The following PML variants were observed in gnomAD, a reference collection of about 807,000 sequenced individuals.
PML encodes the protein PML nuclear body scaffold.
In PML, 28 loss-of-function variants were observed where a neutral mutation model predicts 65.2. The ratio of observed to expected loss-of-function variants is 0.43; its 90% CI spans 0.32 to 0.59. The LOEUF is 0.59. PML is among the 20% of genes least tolerant of loss of function. The pLI is 0.08. For synonymous variants in PML, 500 were observed against 508.8 expected (o/e 0.98, Z 0.23); for missense variants, 1,021 against 1,203.4 (o/e 0.85, Z 2.24).
intron 7 of PML, chr15:74,034,869 A>G (rs997998943): frequency 2.2e-5 from 31 of 1,437,210 alleles, no homozygotes; most frequent in Non-Finnish European, 2.6e-5. Context: ...GCTGGACAAG[A>G]ATCCATTCCT....
chr15:74,014,188 C>T (rs1303829733), intron 2 of PML, among the ~76,000 whole-genome samples: 1 of 152,136 alleles, frequency 6.6e-6, no homozygotes, highest in Admixed American at 6.5e-5. Context: ...CTTAGGACAT[C>T]GTGCTCAAGG....
chr15:74,012,376 A>G (rs1448477359), intron 2 of PML, among the ~76,000 whole-genome samples: 3 of 152,334 alleles, frequency 2.0e-5, no homozygotes, highest in African/African-American at 7.2e-5. Flanking sequence ...GGGTTTCACC[A>G]TCTTGGCCAG....
At position 74,023,235 on chromosome 15, in the gene PML, A is replaced by C; in HGVS notation, c.1010A>C (p.Lys337Thr). The change falls in exon 3 of 9, where the codon AAG (lysine) becomes ACG (threonine). Residue 337 changes from lysine (K) to threonine (T), a missense_variant. By Grantham distance (78) the Lys-to-Thr change is moderately conservative (BLOSUM62 -1). Transcript: ENST00000268058. ...GGCAGCGCGCTGGTGCAGAGGATGAAGTGCTACGCCTCGGACCAGGAGGTG... is the reference window on the plus strand; with the variant it reads ...GGCAGCGCGCTGGTGCAGAGGATGACGTGCTACGCCTCGGACCAGGAGGTG... ...RTGSALVQRM[K>T]CYASDQEVLD... 5 of 1,610,918 alleles carry C rather than the reference A, an allele frequency of 3.1e-6. No individual in the cohort carries two copies. The highest frequency in any genetic ancestry group is 4.2e-6 in the Non-Finnish European group (5 of 1,179,372).
intron 2 of PML, among the ~76,000 whole-genome samples, chr15:74,016,790 A>ATTTTTTTTTTTTTTT (rs1419052993): frequency 1.2e-4 from 8 of 64,464 alleles, no homozygotes; most frequent in African/African-American, 3.0e-4. Flanking sequence ...AGGCAGTGGC[A>ATTTTTTTTTTTTTTT]TCTTTTTTTT....
rs1166785056 is a variant in PML, at chr15:74,035,809, C to T, written c.1710+1279C>T. 7 of 1,613,892 alleles carry T rather than the reference C, an allele frequency of 4.3e-6. No homozygotes were observed. The highest frequency in any genetic ancestry group is 1.6e-4 in the Middle Eastern group (1 of 6,080). On this transcript the variant is annotated intron_variant, in intron 7 of 8. Transcript: ENST00000268058. This position sits in a 1 kb window ranked among gnomAD's most constrained non-coding sequence, Gnocchi z 4.1. Reference sequence around the variant, plus strand: ...CAGACTCTTGGAGCAGGTGTTCCCCCTGGGGACTCTGTCAGAGGCTCCATG... The same window carrying T: ...CAGACTCTTGGAGCAGGTGTTCCCCTTGGGGACTCTGTCAGAGGCTCCATG...
Position 74,044,760 on chromosome 15 carries a change from C to T in PML, c.2401C>T (p.His801Tyr), listed in dbSNP as rs2071753311. ...PRAEARLLAL[H>Y]NVSFMELLSA... ...GGCTGAGGCCCGCCTCCTGGCCCTA[C>T]ACAACGTGAGCTTCATGGAGCTGCT... Residue 801 changes from histidine (H) to tyrosine (Y), a missense_variant, in exon 9 of 9, where the codon CAC becomes TAC. Transcript: ENST00000268058. 4 of 1,612,812 alleles carry T rather than the reference C, an allele frequency of 2.5e-6. No individual in the cohort carries two copies. Among genetic ancestry groups the T allele is most frequent in the Non-Finnish European group, 3.4e-6 (4 of 1,180,026 alleles).
intron 7 of PML, among the ~76,000 whole-genome samples, chr15:74,040,342 C>T (rs762087232): frequency 2.6e-5 from 4 of 152,190 alleles, no homozygotes; most frequent in South Asian, 2.1e-4. Context: ...AGGCTCAAGG[C>T]TCTGTTTCCC....
rs888890306 is a variant in PML, at chr15:74,047,439, T to C, written c.*2431T>C. 1.7e-5 allele frequency: 4 copies of C among 228,838 alleles called. No individual in the cohort carries two copies. Among genetic ancestry groups the C allele is most frequent in the African/African-American group, 8.9e-5 (4 of 45,110 alleles). 14.2% of individuals were successfully genotyped at this position (228,838 alleles called of 1,614,324 possible). The stretch of plus-strand genomic sequence containing the variant: ...AGTCCTGGAGTTTTATTCTCTCAGC[T>C]TGATCCTTTGACCAAGAAGATCCAG... On this transcript the variant is annotated 3_prime_UTR_variant, in exon 9 of 9. Transcript: ENST00000268058.
chr15:74,044,901 A>G lies in PML; in HGVS notation c.2542A>G (p.Thr848Ala). The stretch of plus-strand genomic sequence containing the variant: ...TGCTTTCAACCTGCAGGCTCTGGGC[A>G]CCTACTTTGAAGGCCTGTTGGAGGG... ...QPAFNLQALG[T>A]YFEGLLEGPA... Residue 848 changes from threonine to alanine, a missense_variant, in exon 9 of 9, where the codon ACC (threonine) becomes GCC (alanine). Coordinates refer to ENST00000268058, the MANE Select transcript of PML (RefSeq NM_033238.3). 6.2e-7 allele frequency: 1 copy of G among 1,613,528 alleles called. No individual in the cohort carries two copies. Among genetic ancestry groups the G allele is most frequent in the Non-Finnish European group, 8.5e-7 (1 of 1,180,014 alleles).
At chr15:74,003,699 A>G (rs1248472447) in intron 2 of PML, among the ~76,000 whole-genome samples, 1 of 152,052 alleles carries the variant, frequency 6.6e-6, no homozygotes, top group Non-Finnish European at 1.5e-5. Context: ...ATTAAGCTTC[A>G]TGGTCATATT....
intron 4 of PML, chr15:74,028,378 A>G (rs1274426214): frequency 6.6e-6 from 1 of 151,668 alleles, no homozygotes; most frequent in Non-Finnish European, 1.5e-5. Flanking sequence ...AGGGTCTTTT[A>G]CATACCAGCA....
Position 74,044,508 on chromosome 15 carries a change from C to G in PML, c.2149C>G (p.Arg717Gly), listed in dbSNP as rs367988522. 1.2e-6 allele frequency: 2 copies of G among 1,613,948 alleles called. No homozygotes were observed. The highest frequency in any genetic ancestry group is 1.7e-6 in the Non-Finnish European group (2 of 1,180,028). Residue 717 changes from arginine (R) to glycine (G), a missense_variant, in exon 9 of 9, where the codon CGT (arginine) becomes GGT (glycine). Coordinates refer to ENST00000268058, the MANE Select transcript of PML (RefSeq NM_033238.3). The stretch of plus-strand genomic sequence containing the variant: ...GGCTGCCCTGCCTCTCATCCGGGAG[C>G]GTGTGCCCGGGGCCAGCAGCTTCAA... ...FLAALPLIRE[R>G]VPGASSFKLK...
intron 1 of PML, among the ~76,000 whole-genome samples, chr15:73,997,262 T>C (rs2069554428): frequency 6.6e-6 from 1 of 152,222 alleles, no homozygotes; most frequent in African/African-American, 2.4e-5. Flanking sequence ...CCTTTCGATT[T>C]AGTTCTAGGA....
intron 2 of PML, among the ~76,000 whole-genome samples, chr15:73,999,518 C>T (rs1159534075): frequency 2.6e-5 from 4 of 152,130 alleles, no homozygotes; most frequent in African/African-American, 9.7e-5. Flanking sequence ...CTGGTATCAC[C>T]ACGTTTCTTA....
rs921570606 is a variant in PML at position 74,023,235 on chromosome 15, A to G, written c.1010A>G (p.Lys337Arg). ...GGCAGCGCGCTGGTGCAGAGGATGA[A>G]GTGCTACGCCTCGGACCAGGAGGTG... ...RTGSALVQRM[K>R]CYASDQEVLD... Residue 337 changes from lysine (K) to arginine (R), a missense_variant, in exon 3 of 9, where the codon AAG becomes AGG. Transcript: ENST00000268058. 1.9e-6 allele frequency: 3 copies of G among 1,610,800 alleles called. No individual in the cohort carries two copies. The highest frequency in any genetic ancestry group is 2.5e-6 in the Non-Finnish European group (3 of 1,179,380).
chr15:74,033,287 G>A lies in PML; in HGVS notation c.1530G>A (p.Arg510=). 6.2e-7 allele frequency: 1 copy of A among 1,614,190 alleles called. No homozygotes were observed. The highest frequency in any genetic ancestry group is 1.1e-5 in the South Asian group (1 of 91,084). Residue 510 remains arginine, a synonymous_variant, in exon 6 of 9, where the codon AGG becomes AGA. Coordinates refer to ENST00000268058, the MANE Select transcript of PML (RefSeq NM_033238.3). ...RLARSSPEQP[R]PSTSKAVSPP... ...CTCGGAGCTCCCCGGAGCAGCCCAGGCCCAGCACCTCCAAGGCAGTCTCAC... is the reference window on the plus strand; with the variant it reads ...CTCGGAGCTCCCCGGAGCAGCCCAGACCCAGCACCTCCAAGGCAGTCTCAC...
intron 4 of PML, among the ~76,000 whole-genome samples, chr15:74,029,582 C>T (rs2071227889): frequency 6.6e-6 from 1 of 152,026 alleles, no homozygotes; most frequent in African/African-American, 2.4e-5. Context: ...CAAGATTATG[C>T]CACTATACTC....
chr15:73,995,543 G>T (rs1390033676), intron 1 of PML, among the ~76,000 whole-genome samples: 1 of 152,128 alleles, frequency 6.6e-6, no homozygotes, highest in Non-Finnish European at 1.5e-5. Flanking sequence ...TTCTTGCTCT[G>T]CTGCCTTTCA....
intron 7 of PML, among the ~76,000 whole-genome samples, chr15:74,041,085 G>T (rs2071686057): frequency 6.6e-6 from 1 of 152,174 alleles, no homozygotes; most frequent in African/African-American, 2.4e-5. Context: ...CTTTGTGGAG[G>T]CACTCAGGAA....
Sources: allele counts gnomAD v4.1 joint callset (sites outside exome capture counted in the v4.1 genomes callset), GRCh38; gene constraint gnomAD v4.1.1; non-coding constraint Gnocchi (gnomAD v3.1); transcripts MANE v1.5; gene names NCBI Gene and HGNC (gene_info 2026-07-23, HGNC 2026-07-21).